GRID1: variants seen among roughly 807,000 people sequenced by gnomAD.
GRID1 encodes glutamate receptor ionotropic, delta-1.
GRID1 carries 28 observed loss-of-function variants against 98.0 expected under a neutral mutation model. That is an observed-to-expected ratio of 0.29 (90% CI 0.21 to 0.39). GRID1 has a LOEUF of 0.39. GRID1 is among the 10% of genes least tolerant of loss of function. The pLI is 1.00. For missense variants in GRID1, 1,111 were observed against 1,340.5 expected, an observed-to-expected ratio of 0.83 and a Z score of 2.67; for synonymous variants, 553 against 538.5, an observed-to-expected ratio of 1.03 and a Z score of -0.37.
chr10:85,870,334 T>C (rs1843265883), intron 5 of GRID1, among the ~76,000 whole-genome samples: 1 of 152,228 alleles, frequency 6.6e-6, no homozygotes, highest in Non-Finnish European at 1.5e-5. Flanking sequence ...TTCCAGCCGC[T>C]CTCAGGCCTT....
intron 8 of GRID1, among the ~76,000 whole-genome samples, chr10:85,795,477 A>G (rs1842518422): frequency 6.6e-6 from 1 of 152,242 alleles, no homozygotes; most frequent in African/African-American, 2.4e-5. Context: ...ACAATCCTGT[A>G]ATGATTTTGT....
intron 8 of GRID1, among the ~76,000 whole-genome samples, chr10:85,834,292 G>A (rs1842894118): frequency 6.6e-6 from 1 of 152,134 alleles, no homozygotes. Flanking sequence ...ATGAAACTAT[G>A]GTAATCAGTA....
chr10:86,300,584 G>T (rs1268927199), intron 2 of GRID1, among the ~76,000 whole-genome samples: 2 of 144,124 alleles, frequency 1.4e-5, no homozygotes, highest in Non-Finnish European at 3.0e-5. Flanking sequence ...CCTGGAAAGA[G>T]CTTTTCCTTA....
At chr10:86,057,424 A>G (rs1385565630) in intron 4 of GRID1, among the ~76,000 whole-genome samples, 5 of 152,070 alleles carry the variant, frequency 3.3e-5, no homozygotes, top group Non-Finnish European at 7.4e-5. Context: ...CTGTATCCCC[A>G]TCCTGCTTAG....
intron 2 of GRID1, among the ~76,000 whole-genome samples, chr10:86,280,709 A>C (rs934811466): frequency 6.6e-6 from 1 of 151,964 alleles, no homozygotes; most frequent in Non-Finnish European, 1.5e-5. Context: ...TACTTTTCCA[A>C]TGTTCTTTCC....
chr10:86,160,734 CA>C (rs1393238217), intron 3 of GRID1, among the ~76,000 whole-genome samples: 16 of 152,230 alleles, frequency 1.1e-4, no homozygotes, highest in Admixed American at 5.2e-4. Context: ...AGAGTCCTTC[CA>C]GGGGGGAATA....
chr10:85,701,004 G>C (rs1841444707), intron 12 of GRID1, among the ~76,000 whole-genome samples: 1 of 152,162 alleles, frequency 6.6e-6, no homozygotes, highest in Non-Finnish European at 1.5e-5. Flanking sequence ...AGAGAGAACA[G>C]ATATTCATCC....
intron 4 of GRID1, among the ~76,000 whole-genome samples, chr10:86,075,022 CA>C (rs1474992869): frequency 2.6e-5 from 4 of 151,734 alleles, no homozygotes; most frequent in African/African-American, 4.9e-5. Flanking sequence ...ACCAAATGCA[CA>C]AAAGGAACGA....
At chr10:86,059,873 T>C (rs1843625419) in intron 4 of GRID1, among the ~76,000 whole-genome samples, 1 of 151,976 alleles carries the variant, frequency 6.6e-6, no homozygotes, top group Admixed American at 6.6e-5. Flanking sequence ...GATATATACC[T>C]AAAGAAAAAA....
chr10:86,122,297 C>CGAGGACAGG (rs1844688061), intron 4 of GRID1, among the ~76,000 whole-genome samples: 1 of 152,258 alleles, frequency 6.6e-6, no homozygotes, highest in African/African-American at 2.4e-5. Context: ...TCCCCGCTCC[C>CGAGGACAGG]TACCCTGAGG....
At chr10:85,834,299 A>C (rs953841063) in intron 8 of GRID1, among the ~76,000 whole-genome samples, 5 of 152,250 alleles carry the variant, frequency 3.3e-5, no homozygotes, top group African/African-American at 1.2e-4. Context: ...TATGGTAATC[A>C]GTAGAAAATG....
At chr10:85,855,958 G>A in intron 7 of GRID1, 71 bp downstream of exon 7, 1 of 1,409,934 alleles carries the variant, frequency 7.1e-7, no homozygotes, top group Non-Finnish European at 9.9e-7. Flanking sequence ...CCAGCTACTA[G>A]AGGGGAACAC....
chr10:86,167,137 T>C (rs1229611410), intron 3 of GRID1, among the ~76,000 whole-genome samples: 2 of 152,166 alleles, frequency 1.3e-5, no homozygotes, highest in Non-Finnish European at 2.9e-5. Flanking sequence ...CAGGGAGACC[T>C]GAGGTTTTTC....
intron 8 of GRID1, among the ~76,000 whole-genome samples, chr10:85,769,947 CT>C (rs1842240291): frequency 6.6e-6 from 1 of 152,230 alleles, no homozygotes; most frequent in South Asian, 2.1e-4. Context: ...TTAAATGTCC[CT>C]GTCTGACAGC....
intron 5 of GRID1, among the ~76,000 whole-genome samples, chr10:85,897,879 C>T (rs1208758610): frequency 6.2e-5 from 4 of 64,606 alleles, no homozygotes; most frequent in African/African-American, 4.0e-4. Flanking sequence ...TCTCCCCAAC[C>T]CCCCACTGTC....
At chr10:86,080,657 G>A (rs1281644473) in intron 4 of GRID1, among the ~76,000 whole-genome samples, 3 of 152,090 alleles carry the variant, frequency 2.0e-5, no homozygotes, top group Non-Finnish European at 2.9e-5. Context: ...CTGAGTGGGA[G>A]TCCCCAGAAG....
At chr10:85,918,503 C>T (rs1318993314) in intron 4 of GRID1, among the ~76,000 whole-genome samples, 1 of 152,214 alleles carries the variant, frequency 6.6e-6, no homozygotes, top group Admixed American at 6.5e-5. Flanking sequence ...GAAGGGTTGA[C>T]CTAACCAGGT....
chr10:86,246,592 CG>C, intron 2 of GRID1, among the ~76,000 whole-genome samples: 1 of 152,308 alleles, frequency 6.6e-6, no homozygotes, highest in Admixed American at 6.5e-5. Flanking sequence ...ACCATTAACC[CG>C]GGCCTCCTCA....
chr10:85,813,088 C>T (rs924784194), intron 8 of GRID1, among the ~76,000 whole-genome samples: 1 of 151,738 alleles, frequency 6.6e-6, no homozygotes, highest in Non-Finnish European at 1.5e-5. Context: ...ATCAGAGCCT[C>T]TAGGACTCTA....
Sources: allele counts gnomAD v4.1 joint callset (sites outside exome capture counted in the v4.1 genomes callset), GRCh38; gene constraint gnomAD v4.1.1; transcripts MANE v1.5; gene names NCBI Gene and HGNC (gene_info 2026-07-23, HGNC 2026-07-21).